The following CACNA1A variants were observed in gnomAD, a reference collection of about 807,000 sequenced individuals.
CACNA1A encodes voltage-dependent P/Q-type calcium channel subunit alpha-1A.
In CACNA1A, 57 loss-of-function variants were observed where a neutral mutation model predicts 262.4. The ratio of observed to expected loss-of-function variants is 0.22; its 90% CI spans 0.18 to 0.27. The LOEUF (loss-of-function observed/expected upper bound fraction) is 0.27. CACNA1A is among the 10% of genes least tolerant of loss of function. The pLI, the probability that CACNA1A is intolerant of heterozygous loss-of-function variation, is 1.00. For missense variants in CACNA1A, 2,526 were observed against 3,562.8 expected (o/e 0.71, Z 7.41); for synonymous variants, 1,431 against 1,419.3 (o/e 1.01, Z -0.18).
chr19:13,329,987 T>C (rs555685297), intron 10 of CACNA1A, among the ~76,000 whole-genome samples: 1 of 152,262 alleles, frequency 6.6e-6, no homozygotes, highest in Admixed American at 6.5e-5. Context: ...GACTGGGAGC[T>C]TCGTCCCTGC....
intron 1 of CACNA1A, among the ~76,000 whole-genome samples, chr19:13,462,726 C>T (rs1418182926): frequency 6.6e-6 from 1 of 152,206 alleles, no homozygotes; most frequent in Non-Finnish European, 1.5e-5. Context: ...CTGGGGCTCA[C>T]ACCCAGGTCT....
intron 31 of CACNA1A, among the ~76,000 whole-genome samples, chr19:13,238,210 C>T (rs548665887): frequency 1.3e-5 from 2 of 152,300 alleles, no homozygotes; most frequent in East Asian, 3.9e-4. Context: ...GTTCCCTCTT[C>T]CTGCCTTCCA....
chr19:13,230,763 C>T (rs1373011717), intron 35 of CACNA1A, among the ~76,000 whole-genome samples: 3 of 151,072 alleles, frequency 2.0e-5, no homozygotes, highest in Non-Finnish European at 2.9e-5. Context: ...GCTGAGGTCT[C>T]GCCACTGCAC....
At chr19:13,335,650 T>C (rs2058552131) in intron 7 of CACNA1A, among the ~76,000 whole-genome samples, 156 bp downstream of exon 7, 1 of 152,206 alleles carries the variant, frequency 6.6e-6, no homozygotes, top group Non-Finnish European at 1.5e-5. Flanking sequence ...CCTCTGCACC[T>C]GTGCATGGCT....
At chr19:13,450,793 G>T (rs898091948) in intron 3 of CACNA1A, 3 of 152,104 alleles carry the variant, frequency 2.0e-5, no homozygotes, top group African/African-American at 4.8e-5. Flanking sequence ...AGTAATTGGG[G>T]TTACAGGCAT....
At chr19:13,370,614 G>A in intron 4 of CACNA1A, among the ~76,000 whole-genome samples, 1 of 150,906 alleles carries the variant, frequency 6.6e-6, no homozygotes, top group African/African-American at 2.4e-5. Flanking sequence ...TTTGAGACAG[G>A]GTTTCGCCAT....
At chr19:13,306,059 CAAA>C (rs34439709) in intron 15 of CACNA1A, among the ~76,000 whole-genome samples, 15,448 of 139,824 alleles carry the variant, frequency 0.11, 1,043 homozygotes, top group East Asian at 0.33. Context: ...GACTCCATCT[CAAA>C]AAAAAAAAAA....
intron 12 of CACNA1A, among the ~76,000 whole-genome samples, chr19:13,310,872 C>T (rs970015452): frequency 6.6e-6 from 1 of 151,642 alleles, no homozygotes; most frequent in Non-Finnish European, 1.5e-5. Flanking sequence ...CTTACTGCAA[C>T]CTCTGCCTCC....
chr19:13,459,803 G>A (rs746377134), intron 1 of CACNA1A, among the ~76,000 whole-genome samples: 17 of 152,102 alleles, frequency 1.1e-4, no homozygotes, highest in Admixed American at 7.9e-4. Context: ...CCTTTGGACC[G>A]GCTCTGGCAC....
chr19:13,492,667 A>G (rs532481974), intron 1 of CACNA1A, among the ~76,000 whole-genome samples: 2 of 152,312 alleles, frequency 1.3e-5, no homozygotes, highest in Admixed American at 1.3e-4. Flanking sequence ...TTGTTATGAA[A>G]ATCAAAAAGT....
Position 13,212,974 on chromosome 19 carries a change from C to T in CACNA1A, c.5941-234G>A, listed in dbSNP as rs2054873753. Reference sequence around the variant, plus strand: ...CCTCATCTCTCACTGCAGGCACCTTCTCCCAGGTCTCCCGCTCCTACCTTC... The same window carrying T: ...CCTCATCTCTCACTGCAGGCACCTTTTCCCAGGTCTCCCGCTCCTACCTTC... On this transcript the variant is annotated intron_variant, in intron 40 of 46. Coordinates refer to ENST00000360228, the MANE Select transcript of CACNA1A (RefSeq NM_001127222.2). This position sits in a 1 kb window ranked among gnomAD's most constrained non-coding sequence, Gnocchi z 5.6. Among the ~76,000 whole-genome samples, 1 of 152,142 alleles carries T rather than the reference C, an allele frequency of 6.6e-6. No homozygotes were observed. The highest frequency in any genetic ancestry group is 2.4e-5 in the African/African-American group (1 of 41,430).
intron 3 of CACNA1A, among the ~76,000 whole-genome samples, chr19:13,393,505 T>C (rs1049582785): frequency 3.9e-5 from 5 of 126,862 alleles, no homozygotes; most frequent in Non-Finnish European, 8.4e-5. Context: ...CCTTCCTTCC[T>C]TTCCTTCCTT....
chr19:13,270,669 A>G (rs1447614496), intron 24 of CACNA1A, among the ~76,000 whole-genome samples: 1 of 152,154 alleles, frequency 6.6e-6, no homozygotes, highest in Non-Finnish European at 1.5e-5. Context: ...TGGCTTGATC[A>G]AGGCACCTGG....
rs2057767797 is a variant in CACNA1A, at chr19:13,300,619, A to G, written c.2210T>C (p.Leu737Pro). The change falls in exon 18 of 47, where the codon CTT becomes CCT. Residue 737 changes from leucine to proline, a missense_variant. By Grantham distance (98) the Leu-to-Pro change is moderately conservative (BLOSUM62 -3). Around this residue, in one of 17 missense-constraint regions of CACNA1A, gnomAD observed 16 missense variants for 30.1 expected, o/e 0.53. Transcript: ENST00000360228. ...QEEEEAANQK[L>P]ALQKAKEVAE... ...CACCTCCTTGGCTTTCTGTAGGGCA[A>G]GTTTCTGGTTCGCTGCTTCTTCTTC... is the stretch of plus-strand genomic sequence containing the variant. 6.2e-7 allele frequency: 1 copy of G among 1,613,956 alleles called. No homozygotes were observed. The highest frequency in any genetic ancestry group is 8.5e-7 in the Non-Finnish European group (1 of 1,179,872).
intron 38 of CACNA1A, among the ~76,000 whole-genome samples, chr19:13,217,473 A>G (rs1876427977): frequency 6.6e-6 from 1 of 152,166 alleles, no homozygotes; most frequent in African/African-American, 2.4e-5. Flanking sequence ...AAGGGCTGCC[A>G]CTGTTATCAC....
rs1286018554 is a variant in CACNA1A, at chr19:13,212,031, T to C, written c.6303+72A>G. On this transcript the variant is annotated intron_variant, in intron 43 of 46. Transcript: ENST00000360228. The surrounding 1 kb of genome is among the most constrained non-coding windows in gnomAD (Gnocchi z 5.6). ...GCAGGGAGGGGATGCACTGGGCTGC[T>C]TGTGGGGGGGCCTGGCCCTACCCAG... 56 of 1,114,606 alleles carry C rather than the reference T, an allele frequency of 5.0e-5. No homozygotes were observed. The highest frequency in any genetic ancestry group is 7.1e-5 in the Non-Finnish European group (53 of 751,234). 69.0% of individuals were successfully genotyped at this position (1,114,606 alleles called of 1,614,324 possible).
intron 3 of CACNA1A, 135 bp from the exon 4 acceptor site, chr19:13,371,914 T>C (rs1374844121): frequency 1.2e-5 from 8 of 692,902 alleles, no homozygotes; most frequent in Non-Finnish European, 1.9e-5. Context: ...ACCACTGGCC[T>C]CAGTTTTGTC....
At chr19:13,425,203 A>G (rs1021284057) in intron 3 of CACNA1A, among the ~76,000 whole-genome samples, 12 of 152,184 alleles carry the variant, frequency 7.9e-5, no homozygotes, top group African/African-American at 2.9e-4. Flanking sequence ...CATGTTGTTG[A>G]AACAAGAAAG....
chr19:13,466,568 T>C (rs930233005), intron 1 of CACNA1A, among the ~76,000 whole-genome samples: 5 of 152,270 alleles, frequency 3.3e-5, no homozygotes. Context: ...CTCGAACTCC[T>C]GACCTCAAGT....
Sources: allele counts gnomAD v4.1 joint callset (sites outside exome capture counted in the v4.1 genomes callset), GRCh38; gene constraint gnomAD v4.1.1; regional missense constraint gnomAD v4.1.1; non-coding constraint Gnocchi (gnomAD v3.1); transcripts MANE v1.5; gene names NCBI Gene and HGNC (gene_info 2026-07-23, HGNC 2026-07-21).